Variants in RPGRIP1 observed in about 807,000 individuals in gnomAD.
The protein encoded by RPGRIP1 is RPGR interacting protein 1.
Under a neutral mutation model 157.9 loss-of-function variants are expected in RPGRIP1, and 128 were observed. That is an observed-to-expected ratio of 0.81 (90% confidence interval 0.70 to 0.94). The LOEUF (loss-of-function observed/expected upper bound fraction) is 0.94. Ranked by LOEUF, RPGRIP1 falls within the 40% of genes least tolerant of loss-of-function variation. The probability of loss-of-function intolerance (pLI) is 0.00; values close to 1 mark genes in which losing one functional copy is unlikely to be tolerated. For synonymous variants in RPGRIP1, 554 were observed against 571.6 expected, an observed-to-expected ratio of 0.97 and a Z score of 0.44; for missense variants, 1,486 against 1,545.8, an observed-to-expected ratio of 0.96 and a Z score of 0.65.
rs1167249622 is a variant in RPGRIP1, at chr14:21,343,196, C to T, written c.3500C>T (p.Ala1167Val). Residue 1167 changes from alanine (A) to valine (V), a missense_variant, in exon 22 of 25, where the codon GCA becomes GTA. Ala to Val is a moderately conservative substitution (Grantham distance 64). Coordinates refer to ENST00000400017, the MANE Select transcript of RPGRIP1 (RefSeq NM_020366.4). ...ETPVSLRKPR[A>V]GEEIHFHFSK... The stretch of plus-strand genomic sequence containing the variant: ...CCAGTGTCCCTAAGGAAGCCTAGGG[C>T]AGGAGAAGAAATCCACTTTCACTTT... The T allele has an allele frequency of 6.2e-7, 1 of 1,612,738 alleles. No homozygotes were observed. The highest frequency in any genetic ancestry group is 2.2e-5 in the East Asian group (1 of 44,816).
chr14:21,330,471 AG>A (rs755248876), intron 20 of RPGRIP1, 84 bp downstream of exon 20: 100 of 991,100 alleles, frequency 1.0e-4, no homozygotes, highest in Non-Finnish European at 1.3e-4. Context: ...TTTCAAGAGC[AG>A]CCTGGCCAAC....
At chr14:21,342,099 G>C (rs2139331521) in intron 21 of RPGRIP1, among the ~76,000 whole-genome samples, 1 of 152,008 alleles carries the variant, frequency 6.6e-6, no homozygotes, top group East Asian at 1.9e-4. Flanking sequence ...GGGTGGTCTG[G>C]TGGCCTCCTC....
At position 21,317,570 on chromosome 14, in the gene RPGRIP1, G is replaced by T. The variant is rs151005575; in HGVS notation, c.1152-126G>T. ...TAAATGACAGTTATGAATAAAGCAA[G>T]GGCAGAAAAAAACATGTAGGGGAGA... On this transcript the variant is annotated intron_variant, in intron 10 of 24. Transcript: ENST00000400017. 179 of 1,535,586 alleles carry T rather than the reference G, an allele frequency of 1.2e-4. 1 individual carries two copies. In the East Asian group the frequency reaches 4.2e-3, roughly 36 times the overall value.
chr14:21,331,047 T>C (rs1045048403), intron 20 of RPGRIP1, among the ~76,000 whole-genome samples: 3 of 151,644 alleles, frequency 2.0e-5, no homozygotes, highest in Non-Finnish European at 4.4e-5. Flanking sequence ...GTAGCTGGGA[T>C]TACAGGTATG....
At chr14:21,295,664 C>T (rs777917494) in intron 3 of RPGRIP1, among the ~76,000 whole-genome samples, 25 of 151,060 alleles carry the variant, frequency 1.7e-4, no homozygotes, top group Non-Finnish European at 2.7e-4. Flanking sequence ...TTAGTATAGA[C>T]GGGGTTTCTC....
At chr14:21,320,382 TG>T (rs971484749) in intron 12 of RPGRIP1, among the ~76,000 whole-genome samples, 2 of 142,138 alleles carry the variant, frequency 1.4e-5, no homozygotes, top group African/African-American at 2.6e-5. Flanking sequence ...CTCCGCCCCC[TG>T]GGGTTCACGC....
intron 14 of RPGRIP1, 119 bp downstream of exon 14, chr14:21,322,123 T>A: frequency 2.6e-6 from 2 of 766,614 alleles, no homozygotes; most frequent in Non-Finnish European, 3.9e-6. Context: ...TGACTTATCC[T>A]TCTTGTTCTT....
At chr14:21,287,525 G>A (rs767881852) in intron 1 of RPGRIP1, among the ~76,000 whole-genome samples, 2 of 152,090 alleles carry the variant, frequency 1.3e-5, no homozygotes, top group Non-Finnish European at 2.9e-5. Flanking sequence ...TGGGTCATTC[G>A]ATTAACCCTG....
At chr14:21,314,714 G>GA (rs557139978) in intron 10 of RPGRIP1, among the ~76,000 whole-genome samples, 71,987 of 130,802 alleles carry the variant, frequency 0.55, 19,194 homozygotes, top group South Asian at 0.63. Context: ...ACTCTGTCTC[G>GA]AAAAAAAAAA....
intron 3 of RPGRIP1, among the ~76,000 whole-genome samples, chr14:21,296,102 AT>A (rs557240876): frequency 4.4e-3 from 600 of 136,242 alleles, no homozygotes; most frequent in African/African-American, 8.5e-3. Context: ...TGGCCAGCTA[AT>A]TTTTTTTTTT....
At position 21,349,399 on chromosome 14, in the gene RPGRIP1, CTTTTT is replaced by C. The variant is rs71112577; in HGVS notation, c.3748+1111_3748+1115del. Among the ~76,000 whole-genome samples the C allele has an allele frequency of 3.4e-4, 28 of 82,006 alleles. No homozygotes were observed. The East Asian group carries it at 6.6e-3, about 19-fold the overall frequency. 53.8% of individuals were successfully genotyped at this position (82,006 alleles called of 152,430 possible). A position where few individuals can be genotyped will look rare whatever the true frequency, so the allele number is the denominator to read the frequency against. On this transcript the variant is annotated intron_variant, in intron 24 of 24. Transcript: ENST00000400017. ...TAAATATAATTACTATAATTTCTTT[CTTTTT>C]TTTTTTTTTTTTTGAGATGGAGTCT...
chr14:21,345,247 T>C (rs1245624701), intron 23 of RPGRIP1, 50 bp downstream of exon 23: 1 of 1,399,014 alleles, frequency 7.1e-7, no homozygotes, highest in Non-Finnish European at 1.0e-6. Context: ...GAGACAGAAA[T>C]TCAAAAGTTT....
intron 19 of RPGRIP1, among the ~76,000 whole-genome samples, chr14:21,329,374 TTCCAC>T (rs1201788143): frequency 1.3e-5 from 2 of 152,096 alleles, no homozygotes; most frequent in African/African-American, 4.8e-5. Context: ...TAGCTTGTGT[TTCCAC>T]AAACACAAGT....
intron 2 of RPGRIP1, among the ~76,000 whole-genome samples, chr14:21,294,393 G>A (rs1432482850): frequency 6.6e-6 from 1 of 152,000 alleles, no homozygotes; most frequent in African/African-American, 2.4e-5. Context: ...ACCACGCCCA[G>A]CTAATTTTGT....
At chr14:21,345,739 T>C (rs1019580358) in intron 23 of RPGRIP1, among the ~76,000 whole-genome samples, 3 of 152,100 alleles carry the variant, frequency 2.0e-5, no homozygotes, top group Non-Finnish European at 2.9e-5. Context: ...TTCTCACCCA[T>C]GCCAGCCTGA....
At chr14:21,342,518 TG>T (rs1455724664) in intron 21 of RPGRIP1, among the ~76,000 whole-genome samples, 3 of 148,918 alleles carry the variant, frequency 2.0e-5, no homozygotes, top group African/African-American at 7.5e-5. Context: ...CCCTCCAGCC[TG>T]GGCAACAAAG....
chr14:21,286,470 T>G (rs767468346), intron 1 of RPGRIP1, among the ~76,000 whole-genome samples: 1 of 149,424 alleles, frequency 6.7e-6, no homozygotes, highest in Non-Finnish European at 1.5e-5. Context: ...ATTTGAGATA[T>G]CTAGTAGCCA....
chr14:21,338,205 C>A, intron 21 of RPGRIP1, among the ~76,000 whole-genome samples: 1 of 152,202 alleles, frequency 6.6e-6, no homozygotes, highest in East Asian at 1.9e-4. Flanking sequence ...CGTGAGCCAC[C>A]GCTCCTGGCC....
intron 21 of RPGRIP1, among the ~76,000 whole-genome samples, chr14:21,340,245 A>T (rs916111844): frequency 3.9e-5 from 6 of 152,204 alleles, no homozygotes; most frequent in African/African-American, 1.4e-4. Context: ...AAAGGAGGAC[A>T]GTGAAGTCTA....
Sources: gnomAD v4.1 joint callset for allele counts (sites outside exome capture counted in the v4.1 genomes callset) on GRCh38, gnomAD v4.1.1 for gene constraint, MANE v1.5 for transcripts, NCBI Gene and HGNC (gene_info 2026-07-23, HGNC 2026-07-21) for gene names.